Variants in ZGRF1 observed in about 807,000 individuals in gnomAD.
ZGRF1 encodes zinc finger GRF-type containing 1.
Under a neutral mutation model 203.5 loss-of-function variants are expected in ZGRF1, and 196 were observed. That is an observed-to-expected ratio of 0.96 (90% confidence interval 0.86 to 1.08). ZGRF1 has a LOEUF of 1.08. Ranked by LOEUF, ZGRF1 falls within the 50% of genes least tolerant of loss-of-function variation. The pLI is 0.00. For missense variants in ZGRF1, 2,326 were observed against 2,416.3 expected (o/e 0.96, Z 0.78); for synonymous variants, 809 against 841.3 (o/e 0.96, Z 0.66).
chr4:112,611,380 G>A (rs2046670055), intron 7 of ZGRF1, among the ~76,000 whole-genome samples: 1 of 151,790 alleles, frequency 6.6e-6, no homozygotes, highest in Admixed American at 6.6e-5. Flanking sequence ...TCCAGCCTGG[G>A]CGAAAGAGAG....
At chr4:112,607,949 A>G (rs538044919) in intron 8 of ZGRF1, 49 of 151,712 alleles carry the variant, frequency 3.2e-4, no homozygotes, top group African/African-American at 1.2e-3. Context: ...TGAAAAAAGA[A>G]AAAAAAAAGA....
At chr4:112,548,833 G>GACTAATTCTAAACAACAGTAAATAAAAT (rs1578673702) in intron 22 of ZGRF1, among the ~76,000 whole-genome samples, 7 of 98,182 alleles carry the variant, frequency 7.1e-5, no homozygotes, top group African/African-American at 7.6e-5. Context: ...ATGTAAAGAT[G>GACTAATTCTAAACAACAGTAAATAAAAT]GCCGGGCGCG....
At chr4:112,597,637 T>TG (rs1388164938) in intron 10 of ZGRF1, among the ~76,000 whole-genome samples, 2 of 151,628 alleles carry the variant, frequency 1.3e-5, no homozygotes, top group Non-Finnish European at 2.9e-5. Context: ...CCAGCACTTT[T>TG]GGAGGCTGAG....
Position 112,587,918 on chromosome 4 carries a change from AT to A in ZGRF1, c.3138del (p.Lys1046AsnfsTer16), listed in dbSNP as rs771306774. On this transcript the variant is annotated frameshift_variant, in exon 12 of 28. Coordinates refer to ENST00000505019, the MANE Select transcript of ZGRF1 (RefSeq NM_018392.5). LOFTEE classifies it high-confidence loss of function. The part of the protein sequence containing the change: ...LHFLNLEGMK[K>X]SRSLENENLQ... ...AGGTTCTCATTCTCCAGAGAACGGG[AT>A]TTTTTCATCCCTGAAAGAAAACAGA... 7.2e-6 allele frequency: 11 copies of A among 1,525,114 alleles called. No homozygotes were observed. The highest frequency in any genetic ancestry group is 5.1e-5 in the South Asian group (4 of 79,144). The allele number at this position is 1,525,114 out of a possible 1,614,324, so 94.5% of individuals were successfully genotyped here. A position where few individuals can be genotyped will look rare whatever the true frequency, so the allele number is the denominator to read the frequency against.
rs192616325 is a variant in ZGRF1 at position 112,547,794 on chromosome 4, C to A, written c.5475-386G>T. 2.4e-3 allele frequency among the ~76,000 whole-genome samples: 365 copies of A among 152,076 alleles called. 3 individuals carry two copies. Among genetic ancestry groups the A allele is most frequent in the Admixed American group, 0.021 (318 of 15,270 alleles). ...GTGAAGTAAATTGGGTTCTTAGGGG[C>A]TAAATGTTTTCCTAAATAGGAGTAG... On this transcript the variant is annotated intron_variant, in intron 23 of 27. Coordinates refer to ENST00000505019, the MANE Select transcript of ZGRF1 (RefSeq NM_018392.5).
intron 16 of ZGRF1, among the ~76,000 whole-genome samples, chr4:112,580,540 CTAA>C (rs1204222102): frequency 6.6e-6 from 1 of 151,590 alleles, no homozygotes; most frequent in Non-Finnish European, 1.5e-5. Flanking sequence ...TGACAAAGGG[CTAA>C]TATCTAGAAT....
intron 16 of ZGRF1, among the ~76,000 whole-genome samples, chr4:112,571,241 T>C (rs1412785755): frequency 6.6e-6 from 1 of 151,730 alleles, no homozygotes; most frequent in African/African-American, 2.4e-5. Context: ...CTAAACAAAA[T>C]AGAAGAAATC....
intron 15 of ZGRF1, among the ~76,000 whole-genome samples, chr4:112,582,322 C>T (rs1409101470): frequency 1.3e-5 from 2 of 149,572 alleles, no homozygotes; most frequent in Admixed American, 6.6e-5. Flanking sequence ...TAACCAACCT[C>T]TCTTCATTTC....
At chr4:112,594,200 C>A (rs1167735346) in intron 10 of ZGRF1, among the ~76,000 whole-genome samples, 1 of 152,166 alleles carries the variant, frequency 6.6e-6, no homozygotes, top group African/African-American at 2.4e-5. Flanking sequence ...AAGGTCATAT[C>A]TGGTTTGTCC....
intron 16 of ZGRF1, chr4:112,565,066 C>G (rs773367786): frequency 6.4e-6 from 8 of 1,240,938 alleles, no homozygotes; most frequent in African/African-American, 4.4e-5. Flanking sequence ...AAAAGCCGCT[C>G]GCAAGAGTGT....
chr4:112,618,487 AT>A lies in ZGRF1; in HGVS notation c.1554del (p.Glu518AspfsTer3), dbSNP rs752139146. ...MDNESLNSIH[E>X]SLSNVTQPFL... ...AATGGTTGTGTTACATTACTCAGAG[AT>A]TCATGAATACTATTAAGACTTTCAT... On this transcript the variant is annotated frameshift_variant, in exon 6 of 28. Coordinates refer to ENST00000505019, the MANE Select transcript of ZGRF1 (RefSeq NM_018392.5). LOFTEE classifies it high-confidence loss of function. 1.2e-6 allele frequency: 2 copies of A among 1,613,432 alleles called. No homozygotes were observed. The highest frequency in any genetic ancestry group is 3.3e-5 in the Admixed American group (2 of 60,020).
At chr4:112,584,739 C>G (rs1746876864) in intron 14 of ZGRF1, among the ~76,000 whole-genome samples, 1 of 152,140 alleles carries the variant, frequency 6.6e-6, no homozygotes, top group Admixed American at 6.5e-5. Flanking sequence ...GCTTTTGACA[C>G]CTAAATTTAA....
chr4:112,540,975 C>T lies in ZGRF1; in HGVS notation c.5776-20G>A. On this transcript the variant is annotated intron_variant, in intron 25 of 27. Coordinates refer to ENST00000505019, the MANE Select transcript of ZGRF1 (RefSeq NM_018392.5). ...TTCTATCTGGAGTAAGAAATAGATC[C>T]TAAATTATATTTCCCAGAAAGGCTA... The T allele has an allele frequency of 1.3e-6, 2 of 1,557,684 alleles. No individual in the cohort carries two copies. The highest frequency in any genetic ancestry group is 1.7e-6 in the Non-Finnish European group (2 of 1,148,996).
intron 10 of ZGRF1, among the ~76,000 whole-genome samples, chr4:112,602,944 T>G (rs1179620207): frequency 6.6e-6 from 1 of 152,202 alleles, no homozygotes; most frequent in Non-Finnish European, 1.5e-5. Context: ...GAATGCTCTA[T>G]TTGTTAAAGG....
intron 23 of ZGRF1, among the ~76,000 whole-genome samples, 192 bp from the exon 24 acceptor site, chr4:112,547,600 A>G (rs900283764): frequency 1.3e-5 from 2 of 152,242 alleles, no homozygotes; most frequent in African/African-American, 4.8e-5. Context: ...AATCCTTTAT[A>G]TAATTTAGTT....
chr4:112,548,087 A>T (rs1739157893), intron 23 of ZGRF1, among the ~76,000 whole-genome samples, 166 bp downstream of exon 23: 1 of 152,054 alleles, frequency 6.6e-6, no homozygotes, highest in Non-Finnish European at 1.5e-5. Context: ...GATTTTAGGC[A>T]CACACTACCA....
chr4:112,604,940 ACT>A (rs1156632395), intron 9 of ZGRF1, among the ~76,000 whole-genome samples: 1 of 152,184 alleles, frequency 6.6e-6, no homozygotes, highest in African/African-American at 2.4e-5. Flanking sequence ...ATTTGAATAT[ACT>A]CTTATTCAAA....
chr4:112,589,485 G>A, intron 11 of ZGRF1: 1 of 540,944 alleles, frequency 1.8e-6, no homozygotes. Flanking sequence ...ACTTTCAGGG[G>A]TCTGTGTTGA....
At chr4:112,573,319 G>T (rs762943263) in intron 16 of ZGRF1, among the ~76,000 whole-genome samples, 3 of 151,904 alleles carry the variant, frequency 2.0e-5, no homozygotes, top group Non-Finnish European at 4.4e-5. Flanking sequence ...ATCAAACATC[G>T]TATGTTCTTA....
Sources: gnomAD v4.1 joint callset for allele counts (sites outside exome capture counted in the v4.1 genomes callset) on GRCh38, gnomAD v4.1.1 for gene constraint, MANE v1.5 for transcripts, NCBI Gene and HGNC (gene_info 2026-07-23, HGNC 2026-07-21) for gene names.